The following GFRAL variants were observed in gnomAD, a reference collection of about 807,000 sequenced individuals.
The protein encoded by GFRAL is GDNF family receptor alpha like, also known as GDNF family receptor alpha-like.
In GFRAL, 36 loss-of-function variants were observed where a neutral mutation model predicts 45.4. That is an observed-to-expected ratio of 0.79 (90% confidence interval 0.61 to 1.05). The LOEUF (loss-of-function observed/expected upper bound fraction) is 1.05, where lower values mean the gene tolerates loss of function less well. Among genes scored for constraint, GFRAL ranks in the 50% least tolerant of loss-of-function variants. GFRAL has a pLI of 0.00. For synonymous variants in GFRAL, 166 were observed against 154.1 expected (o/e 1.08, Z -0.57); for missense variants, 507 against 467.5 (o/e 1.08, Z -0.78).
intron 8 of GFRAL, among the ~76,000 whole-genome samples, chr6:55,401,115 C>A (rs1386151212): frequency 1.3e-5 from 2 of 152,016 alleles, no homozygotes; most frequent in African/African-American, 4.8e-5. Context: ...GCAGTGGGGG[C>A]ATTATTATTA....
chr6:55,351,744 A>T (rs1325967637), intron 5 of GFRAL, among the ~76,000 whole-genome samples, 161 bp downstream of exon 5: 1 of 152,152 alleles, frequency 6.6e-6, no homozygotes, highest in Non-Finnish European at 1.5e-5. Flanking sequence ...TCTGTGGTAC[A>T]TATGCAGTAT....
At chr6:55,339,700 C>G (rs896716750) in intron 3 of GFRAL, among the ~76,000 whole-genome samples, 22 of 152,104 alleles carry the variant, frequency 1.4e-4, no homozygotes, top group African/African-American at 5.1e-4. Context: ...TAATTTGCTA[C>G]TTAGTAGATA....
chr6:55,338,501 A>T (rs1003414756), intron 3 of GFRAL, among the ~76,000 whole-genome samples: 2 of 152,170 alleles, frequency 1.3e-5, no homozygotes, highest in Non-Finnish European at 2.9e-5. Context: ...CTCAATTCTC[A>T]ATTCTTAATT....
intron 3 of GFRAL, among the ~76,000 whole-genome samples, chr6:55,345,623 G>C (rs961788931): frequency 7.5e-4 from 114 of 152,210 alleles, no homozygotes; most frequent in African/African-American, 2.6e-3. Context: ...CCATTCAGGA[G>C]ATAGGCACGG....
intron 3 of GFRAL, among the ~76,000 whole-genome samples, chr6:55,338,461 A>T (rs1767919212): frequency 6.6e-6 from 1 of 152,184 alleles, no homozygotes; most frequent in Non-Finnish European, 1.5e-5. Context: ...GTTTAATTTC[A>T]GTATCATAAT....
intron 8 of GFRAL, among the ~76,000 whole-genome samples, chr6:55,400,405 T>C (rs1768881026): frequency 6.6e-6 from 1 of 152,136 alleles, no homozygotes; most frequent in Non-Finnish European, 1.5e-5. Flanking sequence ...CAGTCAACTC[T>C]ACAATACATA....
At chr6:55,331,050 T>C (rs1281508528) in intron 1 of GFRAL, among the ~76,000 whole-genome samples, 2 of 152,098 alleles carry the variant, frequency 1.3e-5, no homozygotes, top group Non-Finnish European at 1.5e-5. Context: ...AACATTCAAG[T>C]AGAGATAACA....
rs546203929 is a variant in GFRAL at position 55,337,804 on chromosome 6, A to C, written c.316+3860A>C. Reference sequence around the variant, plus strand: ...GTCCTTTTTATGTTTACATATTGATAATTTGTATAATTTGTGTCCTTTCAA... The same window carrying C: ...GTCCTTTTTATGTTTACATATTGATCATTTGTATAATTTGTGTCCTTTCAA... On this transcript the variant is annotated intron_variant, in intron 3 of 8. Transcript: ENST00000340465. 5.3e-5 allele frequency among the ~76,000 whole-genome samples: 8 copies of C among 152,178 alleles called. No individual in the cohort carries two copies. In the East Asian group the frequency reaches 1.5e-3, roughly 29 times the overall value.
In GFRAL at chr6:55,327,558, A is replaced by G. The variant is rs1219236885; in HGVS notation, c.4A>G (p.Ile2Val). The change falls in exon 1 of 9, where the codon ATA becomes GTA. Residue 2 changes from isoleucine to valine, a missense_variant. Physicochemically the swap from Ile to Val is conservative, Grantham distance 29. Transcript: ENST00000340465. ...GAACTGCCGTGAGTTGTCCAGCATG[A>G]TAGTGTTTATTTTCTTGGGTAAGTG... M[I>V]VFIFLAMGLS... The G allele has an allele frequency of 1.9e-6, 3 of 1,612,814 alleles. No homozygotes were observed. Among genetic ancestry groups the G allele is most frequent in the Non-Finnish European group, 2.5e-6 (3 of 1,179,202 alleles).
At chr6:55,345,853 A>C (rs988958839) in intron 3 of GFRAL, among the ~76,000 whole-genome samples, 47 of 152,070 alleles carry the variant, frequency 3.1e-4, no homozygotes, top group African/African-American at 9.9e-4. Context: ...TACAAGAAAA[A>C]AACAACCCCA....
At chr6:55,395,175 AAT>A (rs1234650477) in intron 6 of GFRAL, among the ~76,000 whole-genome samples, 4,233 of 123,430 alleles carry the variant, frequency 0.034, 109 homozygotes, top group East Asian at 0.041. Context: ...AAAAAAAAAA[AAT>A]ATATATATAT....
At chr6:55,347,448 A>C (rs573131186) in intron 3 of GFRAL, among the ~76,000 whole-genome samples, 2 of 152,248 alleles carry the variant, frequency 1.3e-5, no homozygotes, top group East Asian at 3.9e-4. Context: ...GAGATAACTT[A>C]GCACAATGAC....
At chr6:55,372,242 C>G (rs1303349837) in intron 6 of GFRAL, among the ~76,000 whole-genome samples, 1 of 152,194 alleles carries the variant, frequency 6.6e-6, no homozygotes, top group Non-Finnish European at 1.5e-5. Context: ...CAAGACTCAG[C>G]TGTAGATTCT....
intron 6 of GFRAL, among the ~76,000 whole-genome samples, chr6:55,362,575 T>C (rs1192636374): frequency 6.6e-6 from 1 of 151,888 alleles, no homozygotes; most frequent in Non-Finnish European, 1.5e-5. Flanking sequence ...CCCTTAGAGC[T>C]AATAGGGAAA....
chr6:55,378,979 A>G (rs953439044), intron 6 of GFRAL, among the ~76,000 whole-genome samples: 3 of 151,988 alleles, frequency 2.0e-5, no homozygotes, highest in Non-Finnish European at 4.4e-5. Flanking sequence ...GGCAAGGAGT[A>G]TTCTACTGCA....
intron 6 of GFRAL, among the ~76,000 whole-genome samples, chr6:55,385,503 C>G (rs921526307): frequency 1.3e-5 from 2 of 151,976 alleles, no homozygotes; most frequent in Non-Finnish European, 2.9e-5. Flanking sequence ...AGTAGGTGCT[C>G]TTTCTTTTAC....
intron 6 of GFRAL, among the ~76,000 whole-genome samples, chr6:55,377,990 A>T (rs1408320922): frequency 6.6e-6 from 1 of 152,044 alleles, no homozygotes; most frequent in Non-Finnish European, 1.5e-5. Flanking sequence ...TGTGAAATAC[A>T]TCACTGAACT....
At chr6:55,343,130 G>T (rs974121463) in intron 3 of GFRAL, among the ~76,000 whole-genome samples, 13 of 151,924 alleles carry the variant, frequency 8.6e-5, no homozygotes, top group African/African-American at 1.5e-4. Context: ...AGACAGGAAG[G>T]TAACAAGGAT....
At chr6:55,381,868 A>G (rs1434278534) in intron 6 of GFRAL, among the ~76,000 whole-genome samples, 2 of 151,896 alleles carry the variant, frequency 1.3e-5, no homozygotes, top group East Asian at 1.9e-4. Flanking sequence ...ACACAGATAT[A>G]CATACACGTA....
Sources: gnomAD v4.1 joint callset for allele counts (sites outside exome capture counted in the v4.1 genomes callset) on GRCh38, gnomAD v4.1.1 for gene constraint, MANE v1.5 for transcripts, NCBI Gene and HGNC (gene_info 2026-07-23, HGNC 2026-07-21) for gene names.